Variants in ANKRD42 observed in about 807,000 individuals in gnomAD.
The protein encoded by ANKRD42 is ankyrin repeat domain-containing protein 42.
A neutral mutation model predicts 51.5 loss-of-function variants in ANKRD42; 43 were observed. The ratio of observed to expected loss-of-function variants is 0.83; its 90% CI spans 0.65 to 1.08. The LOEUF (loss-of-function observed/expected upper bound fraction) is 1.08. Ranked by LOEUF, ANKRD42 falls within the 50% of genes least tolerant of loss-of-function variation. The probability of loss-of-function intolerance (pLI) is 0.00; values close to 1 mark genes in which losing one functional copy is unlikely to be tolerated. For missense variants in ANKRD42, 608 were observed against 629.3 expected (o/e 0.97, Z 0.36); for synonymous variants, 203 against 213.0 (o/e 0.95, Z 0.41).
intron 3 of ANKRD42, among the ~76,000 whole-genome samples, chr11:83,208,217 G>C (rs185095704): frequency 1.3e-5 from 2 of 150,364 alleles, no homozygotes; most frequent in South Asian, 2.1e-4. Context: ...GTCTGTGGGA[G>C]GGGGGGGTCT....
chr11:83,261,946 C>G, downstream of ANKRD42: 1 of 1,601,074 alleles, frequency 6.2e-7, no homozygotes, highest in Non-Finnish European at 8.5e-7. Flanking sequence ...AATGCTATTG[C>G]CAGGCAAGTA....
Position 83,230,800 on chromosome 11 carries a change from A to G in ANKRD42, c.913+2928A>G, listed in dbSNP as rs189478970. Among the ~76,000 whole-genome samples, 14 of 152,172 alleles carry G rather than the reference A, an allele frequency of 9.2e-5. No homozygotes were observed. In the East Asian group the frequency reaches 2.5e-3, roughly 27 times the overall value. The stretch of plus-strand genomic sequence containing the variant: ...ACGGGGTTTCACTGTGTTAGCTAGG[A>G]TGGTCTCGTTTTCCTGACCTCGTGA... On this transcript the variant is annotated intron_variant, in intron 7 of 10. Transcript: ENST00000533342.
At position 83,214,573 on chromosome 11, in the gene ANKRD42, G is replaced by A. The variant is rs567350792; in HGVS notation, c.586+3143G>A. ...GGTCTAGACTGCTTGTGTTCAAATC[G>A]CTCTCATAAAATTATTTTTTATTGA... On this transcript the variant is annotated intron_variant, in intron 5 of 10. Transcript: ENST00000533342. 1.3e-5 allele frequency: 13 copies of A among 981,388 alleles called. No homozygotes were observed. The East Asian group carries it at 6.8e-4, about 52-fold the overall frequency. The allele number at this position is 981,388 out of a possible 1,614,324, so 60.8% of individuals were successfully genotyped here. A position where few individuals can be genotyped will look rare whatever the true frequency, so the allele number is the denominator to read the frequency against.
chr11:83,230,960 T>G (rs1045453330), intron 7 of ANKRD42, among the ~76,000 whole-genome samples: 4 of 152,238 alleles, frequency 2.6e-5, no homozygotes, highest in African/African-American at 9.6e-5. Flanking sequence ...ATTTATCTGT[T>G]GGTGGACACT....
chr11:83,228,452 A>C (rs980063223), intron 7 of ANKRD42, among the ~76,000 whole-genome samples: 3 of 150,190 alleles, frequency 2.0e-5, no homozygotes, highest in Admixed American at 1.3e-4. Context: ...CTGATCTTGA[A>C]CTCCTGGCCT....
In ANKRD42 at chr11:83,247,933, T is replaced by G. The variant is rs752773406; in HGVS notation, c.1323-10T>G. ...GATGATTGATTTTTAAAAAATTTTG[T>G]TTTTGATAGGACCATCAAAGAACTG... On this transcript the variant is annotated splice_polypyrimidine_tract_variant and intron_variant, in intron 10 of 10. Transcript: ENST00000533342. The G allele has an allele frequency of 1.3e-6, 2 of 1,576,350 alleles. No individual in the cohort carries two copies. Among genetic ancestry groups the G allele is most frequent in the Admixed American group, 4.0e-5 (2 of 50,204 alleles).
chr11:83,235,289 G>A (rs1228625456), intron 7 of ANKRD42, among the ~76,000 whole-genome samples: 1 of 152,168 alleles, frequency 6.6e-6, no homozygotes, highest in Non-Finnish European at 1.5e-5. Flanking sequence ...AATTATTGAG[G>A]AGCTATTCAT....
chr11:83,240,684 C>T (rs1863358589), intron 8 of ANKRD42, 75 bp from the exon 9 acceptor site: 4 of 1,545,632 alleles, frequency 2.6e-6, no homozygotes, highest in African/African-American at 1.4e-5. Context: ...GTGTAATCCC[C>T]TAAGTTAAGT....
chr11:83,210,539 T>G, intron 4 of ANKRD42, 120 bp downstream of exon 4: 1 of 1,223,016 alleles, frequency 8.2e-7, no homozygotes, highest in African/African-American at 1.5e-5. Flanking sequence ...GAAACTAATT[T>G]AATTTTTCTC....
In ANKRD42 at chr11:83,248,611, CT is replaced by C. The variant is rs1280800831; in HGVS notation, c.*409del. The C allele has an allele frequency of 1.0e-6, 1 of 986,690 alleles. No homozygotes were observed. 61.1% of individuals were successfully genotyped at this position (986,690 alleles called of 1,614,324 possible). On this transcript the variant is annotated 3_prime_UTR_variant, in exon 11 of 11. Coordinates refer to ENST00000533342, the MANE Select transcript of ANKRD42 (RefSeq NM_001300975.2). ...ATGGATGAATTAATTCTGTTTGAGG[CT>C]TGTGTCACCTCAAATCTGATCTATT...
At chr11:83,256,879 C>A (rs902252365), downstream of ANKRD42, among the ~76,000 whole-genome samples, 1 of 152,088 alleles carries the variant, frequency 6.6e-6, no homozygotes, top group African/African-American at 2.4e-5. Flanking sequence ...AATCCCAGCT[C>A]TGCATTGTTG....
intron 2 of ANKRD42, among the ~76,000 whole-genome samples, chr11:83,199,956 G>A (rs1861804543): frequency 6.6e-6 from 1 of 152,134 alleles, no homozygotes; most frequent in African/African-American, 2.4e-5. Flanking sequence ...CCGTGGGTAG[G>A]TGGTTCTCTC....
chr11:83,220,957 T>G (rs990754451), intron 5 of ANKRD42, among the ~76,000 whole-genome samples: 1 of 152,192 alleles, frequency 6.6e-6, no homozygotes, highest in African/African-American at 2.4e-5. Context: ...TTTCTGTTAT[T>G]ATTTCTTTGG....
At chr11:83,200,705 T>G (rs1253161039) in intron 2 of ANKRD42, among the ~76,000 whole-genome samples, 2 of 152,222 alleles carry the variant, frequency 1.3e-5, no homozygotes, top group South Asian at 2.1e-4. Context: ...TTTTATTTTT[T>G]TGTGTGTGTG....
At position 83,240,923 on chromosome 11, in the gene ANKRD42, CA is replaced by C; in HGVS notation, c.1185del (p.Asp396MetfsTer4). On this transcript the variant is annotated frameshift_variant, in exon 9 of 11. Transcript: ENST00000533342. LOFTEE classifies it high-confidence loss of function. ...TTATGTCTGAGTGACTTGGATAAAACAGATGCCAGAAGTAAGTATGCTGCCT... is the reference window on the plus strand; with the variant it reads ...TTATGTCTGAGTGACTTGGATAAAACGATGCCAGAAGTAAGTATGCTGCCT... Reference protein sequence around the residue: ...DDLCLSDLDKTDARMRAYKKI... With the variant: ...DDLCLSDLDKXDARMRAYKKI... The C allele has an allele frequency of 6.2e-7, 1 of 1,611,966 alleles. No homozygotes were observed. The highest frequency in any genetic ancestry group is 8.5e-7 in the Non-Finnish European group (1 of 1,178,796).
At chr11:83,240,094 G>A (rs994433242) in intron 8 of ANKRD42, among the ~76,000 whole-genome samples, 8 of 152,146 alleles carry the variant, frequency 5.3e-5, no homozygotes, top group South Asian at 2.1e-4. Context: ...AATTCTTCAA[G>A]TTGTAAGAAA....
intron 2 of ANKRD42, among the ~76,000 whole-genome samples, chr11:83,203,248 G>T (rs748605517): frequency 1.3e-5 from 2 of 151,932 alleles, no homozygotes; most frequent in African/African-American, 2.4e-5. Context: ...ACTTGTCTTG[G>T]CCTCCCAATA....
chr11:83,227,722 A>G, intron 6 of ANKRD42, 25 bp from the exon 7 acceptor site: 1 of 1,593,756 alleles, frequency 6.3e-7, no homozygotes. Flanking sequence ...ATGTTTATTG[A>G]AATGCTGAAT....
intron 5 of ANKRD42, among the ~76,000 whole-genome samples, chr11:83,216,102 A>G (rs2135513825): frequency 6.6e-6 from 1 of 151,680 alleles, no homozygotes; most frequent in South Asian, 2.1e-4. Context: ...ACCTATTTAC[A>G]TATTTTTGTA....
Sources: gnomAD v4.1 joint callset for allele counts (sites outside exome capture counted in the v4.1 genomes callset) on GRCh38, gnomAD v4.1.1 for gene constraint, MANE v1.5 for transcripts, NCBI Gene and HGNC (gene_info 2026-07-23, HGNC 2026-07-21) for gene names.